Variants in SLC7A6 observed in about 807,000 individuals in gnomAD.
The protein encoded by SLC7A6 is solute carrier family 7 member 6.
In SLC7A6, 29 loss-of-function variants were observed where a neutral mutation model predicts 46.6. The ratio of observed to expected loss-of-function variants is 0.62; its 90% CI spans 0.46 to 0.85. The LOEUF is 0.85. Ranked by LOEUF, SLC7A6 falls within the 40% of genes least tolerant of loss-of-function variation. The probability of loss-of-function intolerance (pLI) is 0.00; values close to 1 mark genes in which losing one functional copy is unlikely to be tolerated. For missense variants in SLC7A6, 527 were observed against 647.6 expected (o/e 0.81, Z 2.02); for synonymous variants, 276 against 257.3 (o/e 1.07, Z -0.70).
chr16:68,271,260 T>C (rs1258209382), intron 2 of SLC7A6, among the ~76,000 whole-genome samples: 3 of 152,166 alleles, frequency 2.0e-5, no homozygotes, highest in Non-Finnish European at 4.4e-5. Flanking sequence ...CCCAAAATAC[T>C]AGGATTATAG....
intron 3 of SLC7A6, 155 bp from the exon 4 acceptor site, chr16:68,287,591 G>C: frequency 6.1e-6 from 6 of 985,456 alleles, no homozygotes; most frequent in Non-Finnish European, 7.2e-6. Context: ...CGGGTGCAGG[G>C]TGTCCCCTCG....
intron 3 of SLC7A6, among the ~76,000 whole-genome samples, chr16:68,275,661 G>A (rs977352983): frequency 2.0e-5 from 3 of 151,986 alleles, no homozygotes; most frequent in African/African-American, 7.2e-5. Flanking sequence ...TTGGAGGGGA[G>A]GGAGGCTTCT....
At chr16:68,279,845 G>A (rs1037992079) in intron 3 of SLC7A6, among the ~76,000 whole-genome samples, 4 of 152,210 alleles carry the variant, frequency 2.6e-5, no homozygotes, top group Non-Finnish European at 5.9e-5. Flanking sequence ...GGGCCCGCCA[G>A]CCTCTTTCAT....
At chr16:68,291,173 T>A (rs772416539) in intron 5 of SLC7A6, 36 bp from the exon 6 acceptor site, 8 of 1,613,794 alleles carry the variant, frequency 5.0e-6, no homozygotes, top group Non-Finnish European at 5.9e-6. Flanking sequence ...AAGGAGAGGT[T>A]GGTTCTAGGT....
intron 3 of SLC7A6, among the ~76,000 whole-genome samples, chr16:68,282,767 G>A (rs1239304168): frequency 6.6e-6 from 1 of 152,050 alleles, no homozygotes; most frequent in African/African-American, 2.4e-5. Flanking sequence ...ACAGGCATAC[G>A]CCACTATGCC....
intron 10 of SLC7A6, 21 bp downstream of exon 10, chr16:68,296,831 T>C: frequency 1.2e-6 from 2 of 1,612,886 alleles, no homozygotes; most frequent in Admixed American, 1.7e-5. Context: ...CTGTGCCCCA[T>C]TACTCACTGG....
chr16:68,288,762 G>A (rs2151227030), intron 4 of SLC7A6, among the ~76,000 whole-genome samples: 1 of 151,964 alleles, frequency 6.6e-6, no homozygotes, highest in South Asian at 2.1e-4. Context: ...TCAGGAATTC[G>A]AGACCAGCCT....
Position 68,301,111 on chromosome 16 carries a change from C to A in SLC7A6, c.*3783C>A. 1 of 1,353,846 alleles carries A rather than the reference C, an allele frequency of 7.4e-7. No individual in the cohort carries two copies. The highest frequency in any genetic ancestry group is 1.5e-5 in the African/African-American group (1 of 67,846). The allele number at this position is 1,353,846 out of a possible 1,614,324, so 83.9% of individuals were successfully genotyped here. A position where few individuals can be genotyped will look rare whatever the true frequency, so the allele number is the denominator to read the frequency against. ...AAGTGGAAAAGACTCACTCCCCTAA[C>A]ATAAGTTTTCACTGTGGTGGGATGG... is the stretch of plus-strand genomic sequence containing the variant. On this transcript the variant is annotated 3_prime_UTR_variant, in exon 11 of 11. Coordinates refer to ENST00000219343, the MANE Select transcript of SLC7A6 (RefSeq NM_003983.6).
chr16:68,270,778 A>AATT (rs1224378928), intron 2 of SLC7A6, among the ~76,000 whole-genome samples: 3 of 152,016 alleles, frequency 2.0e-5, no homozygotes, highest in African/African-American at 4.8e-5. Flanking sequence ...CTCCAAGAAA[A>AATT]ATTGTTGTTT....
chr16:68,297,194 G>T (rs781734030), intron 10 of SLC7A6, 40 bp from the exon 11 acceptor site: 17 of 1,591,082 alleles, frequency 1.1e-5, no homozygotes, highest in Non-Finnish European at 1.5e-5. Flanking sequence ...GCTGTAGCTA[G>T]ATGTTTACTA....
rs1255151402 is a variant in SLC7A6, at chr16:68,296,464, G to A, written c.1220G>A (p.Gly407Glu). The change falls in exon 9 of 11, where the codon GGA (glycine) becomes GAA (glutamate). Residue 407 changes from glycine to glutamate, a missense_variant. By Grantham distance (98) the Gly-to-Glu change is moderately conservative (BLOSUM62 -2). Transcript: ENST00000219343. ...YWFFVGLSVV[G>E]QLYLRWKEPK... ...TTCTTCGTGGGCCTGTCTGTTGTTG[G>A]ACAGCTCTACCTCCGCTGGAAGGAG... 6.2e-7 allele frequency: 1 copy of A among 1,614,004 alleles called. No individual in the cohort carries two copies. The highest frequency in any genetic ancestry group is 1.3e-5 in the African/African-American group (1 of 74,912).
Position 68,291,332 on chromosome 16 carries a change from GGTGA to G in SLC7A6, c.918+3_918+6del, listed in dbSNP as rs1339622688. ...TCCTTAGCAGTGATGCTGTGGCTGT[GGTGA>G]GTCTCTTGGGATCCCCATTTGTTCA... On this transcript the variant is annotated splice_donor_variant and splice_donor_region_variant and intron_variant, in intron 6 of 10. Coordinates refer to ENST00000219343, the MANE Select transcript of SLC7A6 (RefSeq NM_003983.6). LOFTEE classifies it high-confidence loss of function. 5 of 1,613,950 alleles carry G rather than the reference GGTGA, an allele frequency of 3.1e-6. No individual in the cohort carries two copies. The highest frequency in any genetic ancestry group is 4.2e-6 in the Non-Finnish European group (5 of 1,179,892).
chr16:68,279,284 G>C (rs2042786276), intron 3 of SLC7A6, among the ~76,000 whole-genome samples: 1 of 152,174 alleles, frequency 6.6e-6, no homozygotes, highest in African/African-American at 2.4e-5. Flanking sequence ...CAAGGTTGCA[G>C]TGAGCTATGA....
At chr16:68,273,220 G>C (rs2042651412) in intron 2 of SLC7A6, among the ~76,000 whole-genome samples, 2 of 152,170 alleles carry the variant, frequency 1.3e-5, no homozygotes, top group African/African-American at 4.8e-5. Flanking sequence ...TTGACTCTCT[G>C]TGGTTTCCTT....
At chr16:68,284,740 CA>C in intron 3 of SLC7A6, 1 of 573,978 alleles carries the variant, frequency 1.7e-6, no homozygotes, top group Non-Finnish European at 2.2e-6. Context: ...TATTGTCAGA[CA>C]GTCTCTTTCT....
At chr16:68,285,473 T>C (rs913235253) in intron 3 of SLC7A6, among the ~76,000 whole-genome samples, 2 of 152,228 alleles carry the variant, frequency 1.3e-5, no homozygotes, top group African/African-American at 4.8e-5. Flanking sequence ...TGGGAAGACC[T>C]GCCAGCAGCA....
chr16:68,290,251 C>T (rs2043020156), intron 4 of SLC7A6, 145 bp from the exon 5 acceptor site: 129 of 711,586 alleles, frequency 1.8e-4, no homozygotes, highest in South Asian at 6.3e-4. Context: ...CTTTCTTGTT[C>T]CTCCCCATTC....
intron 2 of SLC7A6, among the ~76,000 whole-genome samples, chr16:68,274,144 A>G (rs1333416749): frequency 6.6e-6 from 1 of 152,054 alleles, no homozygotes; most frequent in East Asian, 1.9e-4. Flanking sequence ...CGCCCTTCCC[A>G]TCACCTCCTC....
At position 68,301,496 on chromosome 16, in the gene SLC7A6, T is replaced by G. The variant is rs2043274958; in HGVS notation, c.*4168T>G. The G allele has an allele frequency of 8.8e-7, 1 of 1,131,156 alleles. No individual in the cohort carries two copies. The highest frequency in any genetic ancestry group is 1.6e-5 in the South Asian group (1 of 60,852). The allele number at this position is 1,131,156 out of a possible 1,614,324, so 70.1% of individuals were successfully genotyped here. On this transcript the variant is annotated 3_prime_UTR_variant, in exon 11 of 11. Coordinates refer to ENST00000219343, the MANE Select transcript of SLC7A6 (RefSeq NM_003983.6). ...TCTTCTCAGAAAGGTCTGTTTTTGT[T>G]CCCGATTGTAATGCAAAATCCTTGC...
Sources: allele counts gnomAD v4.1 joint callset (sites outside exome capture counted in the v4.1 genomes callset), GRCh38; gene constraint gnomAD v4.1.1; transcripts MANE v1.5; gene names NCBI Gene and HGNC (gene_info 2026-07-23, HGNC 2026-07-21).